Variants in MYOT observed in about 807,000 individuals in gnomAD.
MYOT encodes the protein 57 kDa cytoskeletal protein.
Under a neutral mutation model 58.0 loss-of-function variants are expected in MYOT, and 36 were observed. The ratio of observed to expected loss-of-function variants is 0.62; its 90% confidence interval spans 0.48 to 0.82. The LOEUF is 0.82. MYOT is among the 40% of genes least tolerant of loss of function. The pLI is 0.00. For synonymous variants in MYOT, 218 were observed against 204.6 expected, an observed-to-expected ratio of 1.07 and a Z score of -0.56; for missense variants, 505 against 592.1, an observed-to-expected ratio of 0.85 and a Z score of 1.53.
rs570094933 is a variant in MYOT, at chr5:137,883,151, G to T, written c.817-233G>T. 3 of 506,856 alleles carry T rather than the reference G, an allele frequency of 5.9e-6. No individual in the cohort carries two copies. The South Asian group carries it at 6.4e-5, about 11-fold the overall frequency. The allele number at this position is 506,856 out of a possible 1,614,324, so 31.4% of individuals were successfully genotyped here. A position where few individuals can be genotyped will look rare whatever the true frequency, so the allele number is the denominator to read the frequency against. On this transcript the variant is annotated intron_variant, in intron 6 of 9. Transcript: ENST00000239926. ...ATTAAGAGTTCATAAAGAGACTGAG[G>T]TTGCATGTAAAAGAGTTATGGTTTG...
At chr5:137,874,284 T>C (rs1337979668) in intron 2 of MYOT, among the ~76,000 whole-genome samples, 2 of 152,098 alleles carry the variant, frequency 1.3e-5, no homozygotes, top group African/African-American at 2.4e-5. Flanking sequence ...CTGGCCAACA[T>C]GGCAAAACCC....
At chr5:137,872,396 T>G (rs1007805527) in intron 2 of MYOT, among the ~76,000 whole-genome samples, 2 of 152,218 alleles carry the variant, frequency 1.3e-5, no homozygotes, top group African/African-American at 4.8e-5. Flanking sequence ...TTTGTTTTTC[T>G]TAGTAAAGTC....
intron 2 of MYOT, among the ~76,000 whole-genome samples, chr5:137,874,325 A>G (rs1235571148): frequency 6.6e-6 from 1 of 151,950 alleles, no homozygotes; most frequent in East Asian, 1.9e-4. Flanking sequence ...AAATTAGCTG[A>G]GCATGGTGGC....
intron 6 of MYOT, among the ~76,000 whole-genome samples, chr5:137,882,601 C>A (rs1755472464): frequency 6.6e-6 from 1 of 152,236 alleles, no homozygotes; most frequent in East Asian, 1.9e-4. Context: ...CGCGTGCCAC[C>A]ATGCCCAGCT....
chr5:137,887,161 C>T, intron 9 of MYOT, 52 bp from the exon 10 acceptor site: 1 of 1,607,720 alleles, frequency 6.2e-7, no homozygotes, highest in East Asian at 2.2e-5. Context: ...CTAGTGTGAC[C>T]AATTTGGTTA....
intron 3 of MYOT, among the ~76,000 whole-genome samples, chr5:137,877,174 C>A (rs1384612794): frequency 6.6e-6 from 1 of 151,768 alleles, no homozygotes; most frequent in Non-Finnish European, 1.5e-5. Context: ...CAAGACCATC[C>A]TGGCTGACAC....
chr5:137,878,518 C>A (rs1401107723), intron 4 of MYOT, among the ~76,000 whole-genome samples: 1 of 152,070 alleles, frequency 6.6e-6, no homozygotes, highest in Non-Finnish European at 1.5e-5. Flanking sequence ...GTAAACTTAA[C>A]CCCAAAGAAA....
chr5:137,870,565 T>C lies in MYOT; in HGVS notation c.-87T>C. 1 of 1,186,720 alleles carries C rather than the reference T, an allele frequency of 8.4e-7. No individual in the cohort carries two copies. The highest frequency in any genetic ancestry group is 1.7e-5 in the Admixed American group (1 of 59,434). The allele number at this position is 1,186,720 out of a possible 1,614,324, so 73.5% of individuals were successfully genotyped here. On this transcript the variant is annotated 5_prime_UTR_variant, in exon 2 of 10. Coordinates refer to ENST00000239926, the MANE Select transcript of MYOT (RefSeq NM_006790.3). ...CTTACAACCTTCCGTAATTCCAGGC[T>C]TGTGGCCCCAAATTCAGGGCCCCAC...
At chr5:137,869,410 G>A (rs1754970431) in intron 1 of MYOT, among the ~76,000 whole-genome samples, 1 of 152,146 alleles carries the variant, frequency 6.6e-6, no homozygotes, top group South Asian at 2.1e-4. Context: ...AAAAATCAGA[G>A]ACAAATATAA....
chr5:137,876,482 T>C (rs1252641286), intron 3 of MYOT, among the ~76,000 whole-genome samples: 1 of 152,204 alleles, frequency 6.6e-6, no homozygotes, highest in Non-Finnish European at 1.5e-5. Flanking sequence ...CAGAAGTTAG[T>C]ACAATCAAAT....
chr5:137,884,352 T>TA (rs1015244008), intron 7 of MYOT, among the ~76,000 whole-genome samples: 1 of 152,144 alleles, frequency 6.6e-6, no homozygotes, highest in African/African-American at 2.4e-5. Context: ...AGACCTTGTT[T>TA]AAAAAAATTT....
At chr5:137,879,220 GCCA>G (rs1755333999) in intron 4 of MYOT, among the ~76,000 whole-genome samples, 1 of 152,258 alleles carries the variant, frequency 6.6e-6, no homozygotes, top group African/African-American at 2.4e-5. Flanking sequence ...ACAGGCATGA[GCCA>G]CCACACCTGG....
At chr5:137,879,226 A>T (rs1375008371) in intron 4 of MYOT, among the ~76,000 whole-genome samples, 1 of 151,988 alleles carries the variant, frequency 6.6e-6, no homozygotes, top group African/African-American at 2.4e-5. Flanking sequence ...ATGAGCCACC[A>T]CACCTGGCCT....
chr5:137,884,285 T>C (rs1407405011), intron 7 of MYOT, among the ~76,000 whole-genome samples: 1 of 152,192 alleles, frequency 6.6e-6, no homozygotes, highest in African/African-American at 2.4e-5. Context: ...AGCCTGGAGT[T>C]TGAGGTTTCA....
At position 137,883,518 on chromosome 5, in the gene MYOT, T is replaced by G. The variant is rs753927065; in HGVS notation, c.951T>G (p.Asp317Glu). The G allele has an allele frequency of 1.2e-6, 2 of 1,614,192 alleles. No individual in the cohort carries two copies. The highest frequency in any genetic ancestry group is 1.1e-5 in the South Asian group (1 of 91,088). ...SLIFEVVRAS[D>E]AGAYACVAKN... Reference sequence around the variant, plus strand: ...TCTTTGAAGTAGTCAGAGCTTCAGATGCAGGGGCTTATGCATGTGTTGCCA... The same window carrying G: ...TCTTTGAAGTAGTCAGAGCTTCAGAGGCAGGGGCTTATGCATGTGTTGCCA... Residue 317 changes from aspartate (D) to glutamate (E), a missense_variant, in exon 7 of 10, where the codon GAT becomes GAG. By Grantham distance (45) the Asp-to-Glu change is conservative. Transcript: ENST00000239926.
In MYOT at chr5:137,886,220, T is replaced by C. The variant is rs192405601; in HGVS notation, c.1190+7T>C. ...TCAACACTGACCGAATAAGGTAGGA[T>C]ATGTATTTCTAGACTTACTATAGTT... is the stretch of plus-strand genomic sequence containing the variant. On this transcript the variant is annotated splice_region_variant and intron_variant, in intron 8 of 9. Transcript: ENST00000239926. 5.6e-4 allele frequency: 888 copies of C among 1,597,378 alleles called. 3 individuals are homozygous for C. In the African/African-American group the frequency reaches 9.4e-3, roughly 17 times the overall value.
intron 6 of MYOT, 58 bp from the exon 7 acceptor site, chr5:137,883,326 A>T: frequency 7.1e-7 from 1 of 1,399,992 alleles, no homozygotes; most frequent in Non-Finnish European, 1.0e-6. Context: ...ATGGACAAAT[A>T]GGTTTCAGTG....
rs756281575 is a variant in MYOT at position 137,870,741 on chromosome 5, C to T, written c.90C>T (p.Ser30=). The T allele has an allele frequency of 6.2e-7, 1 of 1,614,222 alleles. No homozygotes were observed. The highest frequency in any genetic ancestry group is 1.1e-5 in the South Asian group (1 of 91,090). The change falls in exon 2 of 10, where the codon AGC becomes AGT. Residue 30 remains serine, a synonymous_variant. Transcript: ENST00000239926. ...AGCCTCCTGGACCAGAAACCTCCAG[C>T]TTCTCTAGCCAGACCAAACAGTCTT... is the stretch of plus-strand genomic sequence containing the variant. ...RLQPPGPETS[S]FSSQTKQSSI... is the part of the protein sequence containing the mutation.
intron 2 of MYOT, among the ~76,000 whole-genome samples, chr5:137,871,832 G>GAA (rs1394432958): frequency 6.6e-6 from 1 of 152,090 alleles, no homozygotes; most frequent in South Asian, 2.1e-4. Flanking sequence ...CAAACTATTG[G>GAA]CTATCAGCTT....
Sources: gnomAD v4.1 joint callset for allele counts (sites outside exome capture counted in the v4.1 genomes callset) on GRCh38, gnomAD v4.1.1 for gene constraint, MANE v1.5 for transcripts, NCBI Gene and HGNC (gene_info 2026-07-23, HGNC 2026-07-21) for gene names.